CNTN4: variants seen among roughly 807,000 people sequenced by gnomAD.
CNTN4 encodes the protein contactin-4.
Under a neutral mutation model 122.5 loss-of-function variants are expected in CNTN4, and 77 were observed. The observed-to-expected ratio is 0.63, with a 90% CI of 0.52 to 0.76. The LOEUF is 0.76. CNTN4 is among the 30% of genes least tolerant of loss of function. The pLI is 0.00. For synonymous variants in CNTN4, 512 were observed against 447.0 expected (o/e 1.15, Z -1.83); for missense variants, 1,256 against 1,259.1 (o/e 1.00, Z 0.04).
intron 13 of CNTN4, among the ~76,000 whole-genome samples, chr3:2,935,730 G>A (rs1460983656): frequency 2.0e-5 from 3 of 152,232 alleles, no homozygotes; most frequent in Middle Eastern, 3.4e-3. Context: ...TACAGCTATT[G>A]GTTATTTAAT....
intron 2 of CNTN4, among the ~76,000 whole-genome samples, chr3:2,274,327 G>C (rs2041415802): frequency 6.6e-6 from 1 of 152,108 alleles, no homozygotes; most frequent in Non-Finnish European, 1.5e-5. Context: ...AGGTTGCAGG[G>C]AGCCAAGATT....
At chr3:2,647,668 C>A (rs765263185) in intron 4 of CNTN4, among the ~76,000 whole-genome samples, 59 of 152,188 alleles carry the variant, frequency 3.9e-4, no homozygotes, top group Middle Eastern at 3.4e-3. Context: ...AGTGATTTTA[C>A]CTCCATGAGA....
chr3:2,723,630 C>T (rs2088008302), intron 4 of CNTN4, among the ~76,000 whole-genome samples: 1 of 152,200 alleles, frequency 6.6e-6, no homozygotes, highest in South Asian at 2.1e-4. Flanking sequence ...TAATCCCATT[C>T]ATGAGGGAGG....
At chr3:2,729,342 A>C (rs944884776) in intron 4 of CNTN4, among the ~76,000 whole-genome samples, 4 of 151,650 alleles carry the variant, frequency 2.6e-5, no homozygotes, top group African/African-American at 9.7e-5. Flanking sequence ...AGGCGGGCGG[A>C]TCACGAGGTC....
chr3:2,766,659 T>C (rs530964130), intron 6 of CNTN4, among the ~76,000 whole-genome samples: 1 of 152,140 alleles, frequency 6.6e-6, no homozygotes, highest in East Asian at 1.9e-4. Context: ...ACTGCTTGGG[T>C]CATGGGTGCA....
rs141461698 is a variant in CNTN4 at position 2,887,190 on chromosome 3, G to C, written c.906G>C (p.Gly302=). ...LYECVAENSR[G]KNVARGQLTF... The stretch of plus-strand genomic sequence containing the variant: ...AATGTGTAGCTGAAAATTCCAGAGG[G>C]AAAAATGTAGCAAGGGGACAGCTAA... The change falls in exon 10 of 25, where the codon GGG becomes GGC. Residue 302 remains glycine, a synonymous_variant. Coordinates refer to ENST00000418658, the MANE Select transcript of CNTN4 (RefSeq NM_175607.3). 4.8e-4 allele frequency: 775 copies of C among 1,613,878 alleles called. 1 individual carries two copies. The highest frequency in any genetic ancestry group is 6.2e-4 in the Non-Finnish European group (731 of 1,180,016).
In CNTN4 at chr3:2,333,495, T is replaced by G. The variant is rs551147970; in HGVS notation, c.-144-5683T>G. 2.6e-5 allele frequency among the ~76,000 whole-genome samples: 4 copies of G among 152,336 alleles called. No individual in the cohort carries two copies. In the South Asian group the frequency reaches 8.3e-4, roughly 32 times the overall value. On this transcript the variant is annotated intron_variant, in intron 2 of 24. Coordinates refer to ENST00000418658, the MANE Select transcript of CNTN4 (RefSeq NM_175607.3). ...GACCCTTGTTATCAAGAGATAATCA[T>G]ATTCTAGTGGTGCTACTTATTGTAC...
rs114175291 is a variant in CNTN4 at position 2,540,044 on chromosome 3, T to C, written c.-88-31372T>C. Among the ~76,000 whole-genome samples the C allele has an allele frequency of 5.5e-3, 833 of 151,370 alleles. 7 individuals carry two copies. The highest frequency in any genetic ancestry group is 0.019 in the African/African-American group (786 of 41,224). On this transcript the variant is annotated intron_variant, in intron 3 of 24. Transcript: ENST00000418658. ...ATGAAAATGGCAGAGGACAAGATAA[T>C]ATGCCATAATCTGCTTCATCAGTGT... is the stretch of plus-strand genomic sequence containing the variant.
intron 15 of CNTN4, among the ~76,000 whole-genome samples, chr3:3,028,762 C>T (rs1452205552): frequency 1.3e-5 from 2 of 152,148 alleles, no homozygotes; most frequent in African/African-American, 2.4e-5. Flanking sequence ...ATTCCTGATA[C>T]TTGCAAAGTG....
intron 4 of CNTN4, among the ~76,000 whole-genome samples, chr3:2,669,526 T>A (rs2084377006): frequency 6.6e-6 from 1 of 152,220 alleles, no homozygotes; most frequent in Non-Finnish European, 1.5e-5. Flanking sequence ...ATTTTGTTGA[T>A]CTTTTCAAAA....
intron 2 of CNTN4, among the ~76,000 whole-genome samples, chr3:2,261,072 C>T (rs916846591): frequency 9.9e-5 from 15 of 152,184 alleles, no homozygotes; most frequent in African/African-American, 3.6e-4. Context: ...AGCATATTCA[C>T]TACCATATGA....
chr3:2,761,412 G>T (rs948639821), intron 6 of CNTN4, among the ~76,000 whole-genome samples: 3 of 150,874 alleles, frequency 2.0e-5, no homozygotes, highest in African/African-American at 7.3e-5. Context: ...GAGTTGTGAG[G>T]ATTAAATATG....
intron 2 of CNTN4, among the ~76,000 whole-genome samples, chr3:2,122,390 G>T (rs1173939260): frequency 6.6e-6 from 1 of 152,056 alleles, no homozygotes; most frequent in East Asian, 1.9e-4. Flanking sequence ...TATAAAAAAT[G>T]ATGGCATGGA....
intron 3 of CNTN4, among the ~76,000 whole-genome samples, chr3:2,381,107 G>A (rs974085973): frequency 2.6e-5 from 4 of 151,646 alleles, no homozygotes; most frequent in East Asian, 1.9e-4. Context: ...CTGGGTTCCC[G>A]CCATTCTCCT....
intron 2 of CNTN4, among the ~76,000 whole-genome samples, chr3:2,102,241 A>C (rs1160545329): frequency 6.6e-6 from 1 of 152,194 alleles, no homozygotes. Flanking sequence ...GAGGCTGGAA[A>C]GTTCATAAAC....
rs115957323 is a variant in CNTN4 at position 2,197,722 on chromosome 3, C to G, written c.-145+97083C>G. Among the ~76,000 whole-genome samples, 876 of 152,116 alleles carry G rather than the reference C, an allele frequency of 5.8e-3. 12 individuals carry two copies. The highest frequency in any genetic ancestry group is 0.02 in the African/African-American group (828 of 41,510). On this transcript the variant is annotated intron_variant, in intron 2 of 24. Coordinates refer to ENST00000418658, the MANE Select transcript of CNTN4 (RefSeq NM_175607.3). ...TGGATATAGATACATACTTTTTAAA[C>G]TAGAGAATTCTGTCCAGGCACGGTG...
chr3:2,889,214 A>T (rs2094010927), intron 10 of CNTN4, among the ~76,000 whole-genome samples: 1 of 152,170 alleles, frequency 6.6e-6, no homozygotes, highest in Admixed American at 6.5e-5. Flanking sequence ...TTTTGGACTC[A>T]CGTTCCCCTG....
intron 4 of CNTN4, among the ~76,000 whole-genome samples, chr3:2,594,484 T>C (rs571499795): frequency 6.6e-6 from 1 of 150,596 alleles, no homozygotes; most frequent in South Asian, 2.1e-4. Context: ...AGTGGCACGA[T>C]CTCGGCTCAC....
intron 2 of CNTN4, among the ~76,000 whole-genome samples, chr3:2,157,144 C>T (rs1030542397): frequency 6.6e-6 from 1 of 152,102 alleles, no homozygotes; most frequent in Non-Finnish European, 1.5e-5. Context: ...CTGTCTTACA[C>T]ATTTAAAAAT....
Sources: allele counts gnomAD v4.1 joint callset (sites outside exome capture counted in the v4.1 genomes callset), GRCh38; gene constraint gnomAD v4.1.1; transcripts MANE v1.5; gene names NCBI Gene and HGNC (gene_info 2026-07-23, HGNC 2026-07-21).